RFPL1: variants seen among roughly 807,000 people sequenced by gnomAD.
The protein encoded by RFPL1 is ret finger protein-like 1.
RFPL1 carries 6 observed loss-of-function variants against 9.6 expected under a neutral mutation model. The observed-to-expected ratio is 0.62, with a 90% CI of 0.34 to 1.23. The LOEUF (loss-of-function observed/expected upper bound fraction) is 1.23. Among genes scored for constraint, RFPL1 ranks in the 50% most tolerant of loss-of-function variants. RFPL1 has a pLI of 0.03. For missense variants in RFPL1, 352 were observed against 398.4 expected, an observed-to-expected ratio of 0.88 and a Z score of 0.99; for synonymous variants, 145 against 149.4, an observed-to-expected ratio of 0.97 and a Z score of 0.22.
At chr22:29,410,660 A>AGATAGATATATTGTAGATATATC in the RFPL1 span, among the ~76,000 whole-genome samples, 2 of 144,456 alleles carry the variant, frequency 1.4e-5, no homozygotes, top group East Asian at 2.0e-4. Context: ...ATCTATATAT[A>AGATAGATATATTGTAGATATATC]TATTTTTTTG....
chr22:29,398,791 A>G, the RFPL1 span, among the ~76,000 whole-genome samples: 2 of 152,238 alleles, frequency 1.3e-5, no homozygotes, highest in East Asian at 3.8e-4. Context: ...CTTTAAGCCA[A>G]TGATTTGTAA....
the RFPL1 span, among the ~76,000 whole-genome samples, chr22:29,423,894 G>T: frequency 6.6e-6 from 1 of 152,088 alleles, no homozygotes; most frequent in African/African-American, 2.4e-5. Flanking sequence ...CAAAGCTCAC[G>T]GTGTAAAGTA....
At chr22:29,424,572 A>C in the RFPL1 span, among the ~76,000 whole-genome samples, 1 of 150,522 alleles carries the variant, frequency 6.6e-6, no homozygotes, top group Admixed American at 6.7e-5. Flanking sequence ...ACCTGAGCTT[A>C]GTTCCTATGC....
the RFPL1 span, among the ~76,000 whole-genome samples, chr22:29,389,859 C>T: frequency 4.6e-5 from 7 of 151,424 alleles, no homozygotes; most frequent in East Asian, 1.2e-3. Flanking sequence ...AGTGCAGTGT[C>T]GTGATTTTGG....
chr22:29,414,672 C>T, the RFPL1 span, among the ~76,000 whole-genome samples: 1 of 151,972 alleles, frequency 6.6e-6, no homozygotes, highest in Admixed American at 6.5e-5. Flanking sequence ...CTGGTCAGAC[C>T]TTTGTATGGT....
At chr22:29,391,960 G>T in the RFPL1 span, among the ~76,000 whole-genome samples, 2 of 152,238 alleles carry the variant, frequency 1.3e-5, no homozygotes, top group African/African-American at 4.8e-5. Context: ...TCACAAGTGT[G>T]ACTGATGCTG....
the RFPL1 span, among the ~76,000 whole-genome samples, chr22:29,422,829 T>A: frequency 0.53 from 79,958 of 151,376 alleles, 21,986 homozygotes; most frequent in East Asian, 0.73. Context: ...ACACACACTC[T>A]CTCTCTGCTG....
At chr22:29,401,774 C>A in the RFPL1 span, among the ~76,000 whole-genome samples, 6 of 152,196 alleles carry the variant, frequency 3.9e-5, no homozygotes, top group East Asian at 1.2e-3. Flanking sequence ...CTCTTCACCC[C>A]TGTGTGGTTC....
chr22:29,396,484 G>A, the RFPL1 span, among the ~76,000 whole-genome samples: 9,723 of 152,216 alleles, frequency 0.064, 559 homozygotes, highest in African/African-American at 0.15. Flanking sequence ...ATAAATTACC[G>A]AGGTATTCTG....
the RFPL1 span, among the ~76,000 whole-genome samples, chr22:29,396,938 G>A: frequency 8.5e-6 from 1 of 117,422 alleles, no homozygotes; most frequent in Non-Finnish European, 1.6e-5. Context: ...ACGGAGTCTC[G>A]CTGTGTCGCC....
At chr22:29,420,706 T>A in the RFPL1 span, among the ~76,000 whole-genome samples, 1 of 142,428 alleles carries the variant, frequency 7.0e-6, no homozygotes, top group Non-Finnish European at 1.5e-5. Context: ...AACGGTGCGA[T>A]CTCGGCTCAC....
At chr22:29,430,229 A>G in the RFPL1 span, among the ~76,000 whole-genome samples, 1 of 152,128 alleles carries the variant, frequency 6.6e-6, no homozygotes, top group Non-Finnish European at 1.5e-5. Context: ...TGGTCTCAGT[A>G]TGATACCCAG....
the RFPL1 span, among the ~76,000 whole-genome samples, chr22:29,410,270 CTA>C: frequency 5.7e-4 from 66 of 116,272 alleles, no homozygotes; most frequent in African/African-American, 1.9e-3. Flanking sequence ...ATATATATAT[CTA>C]TATATATAGA....
chr22:29,414,795 G>A, the RFPL1 span, among the ~76,000 whole-genome samples: 3 of 150,244 alleles, frequency 2.0e-5, no homozygotes, highest in African/African-American at 7.3e-5. Flanking sequence ...AGATTTTTGA[G>A]TTATGAAGCT....
At chr22:29,432,063 T>G in the RFPL1 span, among the ~76,000 whole-genome samples, 9 of 152,198 alleles carry the variant, frequency 5.9e-5, no homozygotes, top group African/African-American at 1.9e-4. Flanking sequence ...CATTTTACAC[T>G]GAAGGTGTGA....
At chr22:29,439,414 A>C in intron 1 of RFPL1, 1 of 561,640 alleles carries the variant, frequency 1.8e-6, no homozygotes, top group Non-Finnish European at 3.1e-6. Context: ...CGGGTGGATC[A>C]CGAGGTCAGG....
At chr22:29,442,083 C>G in exon 2 of RFPL1, 1 of 1,596,734 alleles carries the variant, frequency 6.3e-7, no homozygotes, top group Non-Finnish European at 8.6e-7. Context: ...TAAACCCGGG[C>G]ACTACTGATG....
At chr22:29,407,993 CATT>C in the RFPL1 span, among the ~76,000 whole-genome samples, 2 of 152,202 alleles carry the variant, frequency 1.3e-5, no homozygotes, top group African/African-American at 2.4e-5. Flanking sequence ...AGACATTTCT[CATT>C]ATTGACACAG....
chr22:29,429,465 A>G, the RFPL1 span, among the ~76,000 whole-genome samples: 2 of 152,230 alleles, frequency 1.3e-5, no homozygotes, highest in African/African-American at 2.4e-5. Flanking sequence ...ATCAGAAATG[A>G]AAAAGGAGAC....
Sources: gnomAD v4.1 joint callset for allele counts (sites outside exome capture counted in the v4.1 genomes callset) on GRCh38, gnomAD v4.1.1 for gene constraint, MANE v1.5 for transcripts, NCBI Gene and HGNC (gene_info 2026-07-23, HGNC 2026-07-21) for gene names.